The following TXNRD2 variants were observed in gnomAD, a reference collection of about 807,000 sequenced individuals.
The protein encoded by TXNRD2 is thioredoxin reductase 2, mitochondrial.
A neutral mutation model predicts 70.8 loss-of-function variants in TXNRD2; 67 were observed. That is an observed-to-expected ratio of 0.95 (90% CI 0.78 to 1.16). The LOEUF (loss-of-function observed/expected upper bound fraction) is 1.16. Ranked by LOEUF, TXNRD2 falls within the 50% of genes most tolerant of loss-of-function variation. The pLI is 0.00. For synonymous variants in TXNRD2, 301 were observed against 295.8 expected (o/e 1.02, Z -0.18); for missense variants, 644 against 719.9 (o/e 0.89, Z 1.21).
chr22:19,920,933 T>C (rs145240933), intron 2 of TXNRD2, among the ~76,000 whole-genome samples: 1,987 of 151,794 alleles, frequency 0.013, 41 homozygotes, highest in African/African-American at 0.046. Context: ...AAACCCTGTC[T>C]CTACTAAAAA....
Position 19,923,199 on chromosome 22 carries a change from A to G in TXNRD2, c.173-3600T>C, listed in dbSNP as rs137872882. ...TTTCCTATAACTCTTAACTATCTCC[A>G]CCCCCTCTCCCACATGCCCACTCTT... On this transcript the variant is annotated intron_variant, in intron 2 of 17. Coordinates refer to ENST00000400521, the MANE Select transcript of TXNRD2 (RefSeq NM_006440.5). Among the ~76,000 whole-genome samples the G allele has an allele frequency of 2.7e-4, 41 of 150,888 alleles. No individual in the cohort carries two copies. In the East Asian group the frequency reaches 7.8e-3, roughly 29 times the overall value.
chr22:19,887,590 TAC>T (rs1250279237), intron 11 of TXNRD2: 1 of 152,234 alleles, frequency 6.6e-6, no homozygotes, highest in Non-Finnish European at 1.5e-5. Context: ...ACCACACCTG[TAC>T]CATCAAGCGC....
At chr22:19,909,461 G>A (rs1232858368) in intron 8 of TXNRD2, among the ~76,000 whole-genome samples, 1 of 151,578 alleles carries the variant, frequency 6.6e-6, no homozygotes, top group African/African-American at 2.4e-5. Context: ...GCCCCGTGAA[G>A]TGTGAAACAA....
intron 17 of TXNRD2, chr22:19,876,046 G>A (rs989941317): frequency 2.0e-5 from 3 of 152,278 alleles, no homozygotes; most frequent in African/African-American, 4.8e-5. Flanking sequence ...GAGGTGTAAT[G>A]TTCTGATAAG....
intron 7 of TXNRD2, among the ~76,000 whole-genome samples, chr22:19,912,891 C>T (rs1940476396): frequency 6.6e-6 from 1 of 152,210 alleles, no homozygotes; most frequent in African/African-American, 2.4e-5. Flanking sequence ...CAAGAAGTGG[C>T]AGAACCTCCC....
At chr22:19,915,328 C>G in intron 6 of TXNRD2, 52 bp from the exon 7 acceptor site, 1 of 1,576,460 alleles carries the variant, frequency 6.3e-7, no homozygotes, top group Non-Finnish European at 8.7e-7. Flanking sequence ...GGTGATCACC[C>G]CACCGGAGGG....
chr22:19,883,202 G>T, intron 12 of TXNRD2, 123 bp downstream of exon 12: 1 of 1,323,342 alleles, frequency 7.6e-7, no homozygotes, highest in Non-Finnish European at 1.0e-6. Context: ...GTTTGGCCCA[G>T]AGCCTCTGTC....
rs368477538 is a variant in TXNRD2 at position 19,878,472 on chromosome 22, C to T, written c.1276-35G>A. ...GGATACCAACCCTGGATCAGTGCTG[C>T]GACAAACAAACCTCGTGGCACCTGC... On this transcript the variant is annotated intron_variant, in intron 14 of 17. Coordinates refer to ENST00000400521, the MANE Select transcript of TXNRD2 (RefSeq NM_006440.5). The T allele has an allele frequency of 2.9e-5, 47 of 1,600,148 alleles. No individual in the cohort carries two copies. The African/African-American group carries it at 3.6e-4, about 12-fold the overall frequency.
At chr22:19,882,538 G>A (rs35951399) in intron 12 of TXNRD2, among the ~76,000 whole-genome samples, 7,795 of 152,198 alleles carry the variant, frequency 0.051, 209 homozygotes, top group Non-Finnish European at 0.067. Context: ...CCCCCCAAAC[G>A]TGAGATAATC....
At chr22:19,876,792 T>G in intron 17 of TXNRD2, 1 of 260,176 alleles carries the variant, frequency 3.8e-6, no homozygotes. Flanking sequence ...CCCCGTTTCT[T>G]GATACCTCCT....
chr22:19,885,259 G>A (rs1023150323), intron 11 of TXNRD2, among the ~76,000 whole-genome samples: 1 of 152,220 alleles, frequency 6.6e-6, no homozygotes, highest in African/African-American at 2.4e-5. Flanking sequence ...ATCCACCAAT[G>A]GCGAAGGCAA....
At chr22:19,928,152 T>A (rs1941222523) in intron 2 of TXNRD2, among the ~76,000 whole-genome samples, 1 of 150,234 alleles carries the variant, frequency 6.7e-6, no homozygotes, top group Non-Finnish European at 1.5e-5. Context: ...AACTACAAAA[T>A]GCTGCTAAAA....
In TXNRD2 at chr22:19,916,292, G is replaced by C. The variant is rs148701133; in HGVS notation, c.450-449C>G. ...GACAAGGCTGGCAAAACAGTGGCTG[G>C]GAGCATAGTGCACAGAAACAAATGA... is the stretch of plus-strand genomic sequence containing the variant. On this transcript the variant is annotated intron_variant, in intron 5 of 17. Transcript: ENST00000400521. 207 of 218,442 alleles carry C rather than the reference G, an allele frequency of 9.5e-4. 1 individual carries two copies. Among genetic ancestry groups the C allele is most frequent in the East Asian group, 9.0e-3 (74 of 8,234 alleles). The allele number at this position is 218,442 out of a possible 1,614,324, so 13.5% of individuals were successfully genotyped here. A position where few individuals can be genotyped will look rare whatever the true frequency, so the allele number is the denominator to read the frequency against.
Position 19,925,564 on chromosome 22 carries a change from T to C in TXNRD2, c.172+5466A>G, listed in dbSNP as rs951442323. Among the ~76,000 whole-genome samples the C allele has an allele frequency of 2.0e-5, 3 of 151,860 alleles. No individual in the cohort carries two copies. The East Asian group carries it at 5.8e-4, about 29-fold the overall frequency. ...AATGATGTATCATGGATTTATAACA[T>C]GTAACAGTAAACACATGATATAATA... On this transcript the variant is annotated intron_variant, in intron 2 of 17. Transcript: ENST00000400521.
intron 1 of TXNRD2, among the ~76,000 whole-genome samples, chr22:19,932,179 A>G (rs74522005): frequency 6.9e-6 from 1 of 145,156 alleles, no homozygotes; most frequent in African/African-American, 2.6e-5. Flanking sequence ...AAAAAAAAAA[A>G]AGAATAAAAG....
intron 11 of TXNRD2, chr22:19,894,981 AAAAAAG>A: frequency 2.0e-6 from 3 of 1,470,474 alleles, no homozygotes; most frequent in Non-Finnish European, 2.7e-6. Flanking sequence ...AAAAAAAAAA[AAAAAAG>A]AAAAGAAACA....
rs923137256 is a variant in TXNRD2, at chr22:19,925,094, C to A, written c.173-5495G>T. On this transcript the variant is annotated intron_variant, in intron 2 of 17. Transcript: ENST00000400521. Reference sequence around the variant, plus strand: ...GGTCAGGAGATCGAGACCATCCTGGCTAACACGGCGAAGCCCCGTTTCTAC... The same window carrying A: ...GGTCAGGAGATCGAGACCATCCTGGATAACACGGCGAAGCCCCGTTTCTAC... Among the ~76,000 whole-genome samples the A allele has an allele frequency of 6.7e-5, 10 of 149,864 alleles. No homozygotes were observed. In the South Asian group the frequency reaches 8.3e-4, roughly 12 times the overall value.
intron 8 of TXNRD2, among the ~76,000 whole-genome samples, chr22:19,900,180 G>C (rs987342500): frequency 6.6e-6 from 1 of 152,232 alleles, no homozygotes; most frequent in African/African-American, 2.4e-5. Flanking sequence ...GGCCGGCTGA[G>C]CACAAGGTGG....
intron 7 of TXNRD2, among the ~76,000 whole-genome samples, chr22:19,914,536 C>A (rs1465030588): frequency 1.3e-5 from 2 of 152,190 alleles, no homozygotes; most frequent in Admixed American, 1.3e-4. Context: ...CACACACGTA[C>A]CAGTTACATG....
Sources: gnomAD v4.1 joint callset for allele counts (sites outside exome capture counted in the v4.1 genomes callset) on GRCh38, gnomAD v4.1.1 for gene constraint, MANE v1.5 for transcripts, NCBI Gene and HGNC (gene_info 2026-07-23, HGNC 2026-07-21) for gene names.